ENTREP2: variants seen among roughly 807,000 people sequenced by gnomAD.
ENTREP2 encodes protein ENTREP2.
the ENTREP2 span, among the ~76,000 whole-genome samples, chr15:29,302,107 T>C: frequency 1.3e-5 from 2 of 152,210 alleles, no homozygotes; most frequent in Non-Finnish European, 2.9e-5. Context: ...TTTTTGATGT[T>C]TGCTCAGTTT....
At chr15:29,638,424 A>G in the ENTREP2 span, among the ~76,000 whole-genome samples, 1 of 152,214 alleles carries the variant, frequency 6.6e-6, no homozygotes, top group Non-Finnish European at 1.5e-5. Context: ...GTGGCAGACA[A>G]AACCCTGCCA....
the ENTREP2 span, among the ~76,000 whole-genome samples, chr15:29,489,961 G>A: frequency 6.6e-6 from 1 of 152,212 alleles, no homozygotes; most frequent in African/African-American, 2.4e-5. Context: ...TAATTCTTCT[G>A]AAATGAAACT....
the ENTREP2 span, among the ~76,000 whole-genome samples, chr15:29,378,032 T>C: frequency 9.2e-5 from 14 of 151,676 alleles, no homozygotes; most frequent in African/African-American, 3.1e-4. Flanking sequence ...GTAAGTCATG[T>C]GATACCTAAT....
chr15:29,235,547 C>T, the ENTREP2 span, among the ~76,000 whole-genome samples: 5 of 152,126 alleles, frequency 3.3e-5, no homozygotes, highest in Admixed American at 2.0e-4. Flanking sequence ...GGACACAAAA[C>T]ATATCAAAAT....
the ENTREP2 span, among the ~76,000 whole-genome samples, chr15:29,637,395 G>C: frequency 6.6e-6 from 1 of 152,210 alleles, no homozygotes; most frequent in Admixed American, 6.5e-5. Context: ...TGAGCAGAGA[G>C]TGGGGCACAC....
chr15:29,342,743 AGTGTTTTCAT>A, the ENTREP2 span, among the ~76,000 whole-genome samples: 5 of 152,128 alleles, frequency 3.3e-5, no homozygotes, highest in African/African-American at 1.2e-4. Context: ...CGAGGTTCAC[AGTGTTTTCAT>A]GTGATTAGGC....
At chr15:29,563,253 C>T in the ENTREP2 span, among the ~76,000 whole-genome samples, 1 of 152,118 alleles carries the variant, frequency 6.6e-6, no homozygotes, top group African/African-American at 2.4e-5. Context: ...TATTCTATTG[C>T]TTTGTTTTTC....
the ENTREP2 span, among the ~76,000 whole-genome samples, chr15:29,584,133 C>T: frequency 3.3e-5 from 5 of 152,072 alleles, no homozygotes; most frequent in Non-Finnish European, 5.9e-5. Flanking sequence ...AATCATGTAT[C>T]GCTTAAGGGT....
At chr15:29,654,052 G>A in the ENTREP2 span, among the ~76,000 whole-genome samples, 1 of 152,066 alleles carries the variant, frequency 6.6e-6, no homozygotes, top group Non-Finnish European at 1.5e-5. Context: ...GATCAGTATA[G>A]CTATACTTAT....
the ENTREP2 span, among the ~76,000 whole-genome samples, chr15:29,291,783 G>A: frequency 1.9e-3 from 288 of 151,622 alleles, 5 homozygotes; most frequent in Admixed American, 0.015. Context: ...TAACTATTTC[G>A]TGAATACCTA....
chr15:29,561,294 C>T, the ENTREP2 span, among the ~76,000 whole-genome samples: 3 of 151,908 alleles, frequency 2.0e-5, no homozygotes, highest in South Asian at 2.1e-4. Context: ...TATCTGCACC[C>T]CCATGTTCTA....
the ENTREP2 span, among the ~76,000 whole-genome samples, chr15:29,584,104 T>A: frequency 6.6e-6 from 1 of 152,122 alleles, no homozygotes; most frequent in Non-Finnish European, 1.5e-5. Flanking sequence ...AATGCACAGA[T>A]AGGGAGAAAA....
At chr15:29,128,639 T>A in the ENTREP2 span, 4 of 707,112 alleles carry the variant, frequency 5.7e-6, no homozygotes, top group Admixed American at 4.3e-5. Flanking sequence ...TGGGAAAGAC[T>A]GCTGCAAACT....
chr15:29,262,080 GAA>G, the ENTREP2 span, among the ~76,000 whole-genome samples: 2 of 54,296 alleles, frequency 3.7e-5, no homozygotes, highest in Non-Finnish European at 4.4e-5. Flanking sequence ...AATGGCTCCA[GAA>G]AAAAAAAAAA....
At chr15:29,371,885 CAAGT>C in the ENTREP2 span, among the ~76,000 whole-genome samples, 2,797 of 150,526 alleles carry the variant, frequency 0.019, 88 homozygotes, top group African/African-American at 0.065. Flanking sequence ...ACTAGGAATT[CAAGT>C]AAGAGAAGGC....
the ENTREP2 span, among the ~76,000 whole-genome samples, chr15:29,250,237 T>C: frequency 6.6e-6 from 1 of 152,170 alleles, no homozygotes; most frequent in African/African-American, 2.4e-5. Context: ...AATCCAGTAC[T>C]GTTTGTGCTG....
chr15:29,493,578 C>T, the ENTREP2 span, among the ~76,000 whole-genome samples: 23 of 128,976 alleles, frequency 1.8e-4, no homozygotes, highest in Admixed American at 4.5e-4. Context: ...GATAACACCA[C>T]TGCACTCCAG....
the ENTREP2 span, among the ~76,000 whole-genome samples, chr15:29,403,972 C>G: frequency 6.6e-6 from 1 of 152,196 alleles, no homozygotes; most frequent in Non-Finnish European, 1.5e-5. Context: ...TCCCTCCTCC[C>G]TGCTGCAGGT....
chr15:29,612,413 G>A, the ENTREP2 span, among the ~76,000 whole-genome samples: 5 of 151,778 alleles, frequency 3.3e-5, no homozygotes, highest in East Asian at 1.9e-4. Context: ...ACATCCCAGC[G>A]TGGCCCCTCT....
Sources: gnomAD v4.1 joint callset for allele counts (sites outside exome capture counted in the v4.1 genomes callset) on GRCh38, gnomAD v4.1.1 for gene constraint, MANE v1.5 for transcripts, NCBI Gene and HGNC (gene_info 2026-07-23, HGNC 2026-07-21) for gene names.